The following DDX60L variants were observed in gnomAD, a reference collection of about 807,000 sequenced individuals.
The protein encoded by DDX60L is DExD/H-box 60 like.
DDX60L carries 191 observed loss-of-function variants against 211.6 expected under a neutral mutation model. That is an observed-to-expected ratio of 0.90 (90% confidence interval 0.80 to 1.02). DDX60L has a LOEUF of 1.02. Ranked by LOEUF, DDX60L falls within the 50% of genes least tolerant of loss-of-function variation. The pLI is 0.00. For synonymous variants in DDX60L, 706 were observed against 694.1 expected, an observed-to-expected ratio of 1.02 and a Z score of -0.27; for missense variants, 2,007 against 1,984.1, an observed-to-expected ratio of 1.01 and a Z score of -0.22.
At chr4:168,455,925 T>C (rs1250563946) in intron 7 of DDX60L, 114 bp downstream of exon 7, 3 of 679,080 alleles carry the variant, frequency 4.4e-6, no homozygotes, top group Non-Finnish European at 7.1e-6. Context: ...AAAATGGCGG[T>C]CAGAAACCAA....
intron 29 of DDX60L, 88 bp from the exon 30 acceptor site, chr4:168,384,900 C>T (rs980316019): frequency 2.2e-5 from 29 of 1,304,154 alleles, no homozygotes; most frequent in Middle Eastern, 1.9e-4. Flanking sequence ...ACTTGTTATC[C>T]GGGATTGTGT....
chr4:168,415,949 G>A lies in DDX60L; in HGVS notation c.2727-150C>T, dbSNP rs1749485162. On this transcript the variant is annotated intron_variant, in intron 20 of 37. Transcript: ENST00000682922. Reference sequence around the variant, plus strand: ...CACCTGAGTTGACTTCAGAGCTGTGGACTTTGGGCAAATTCCTCAGCTTCT... The same window carrying A: ...CACCTGAGTTGACTTCAGAGCTGTGAACTTTGGGCAAATTCCTCAGCTTCT... 4 of 627,538 alleles carry A rather than the reference G, an allele frequency of 6.4e-6. No homozygotes were observed. In the South Asian group the frequency reaches 1.3e-4, roughly 20 times the overall value. The allele number at this position is 627,538 out of a possible 1,614,324, so 38.9% of individuals were successfully genotyped here. A position where few individuals can be genotyped will look rare whatever the true frequency, so the allele number is the denominator to read the frequency against.
chr4:168,406,271 A>G lies in DDX60L; in HGVS notation c.3085-193T>C, dbSNP rs1327887456. On this transcript the variant is annotated intron_variant, in intron 23 of 37. Transcript: ENST00000682922. ...CTATGATGATGGGTGAACTCTTCAA[A>G]AGAAAGAATACAGGGCACAGCTGAT... 2.0e-5 allele frequency among the ~76,000 whole-genome samples: 3 copies of G among 152,180 alleles called. No homozygotes were observed. The East Asian group carries it at 5.8e-4, about 29-fold the overall frequency.
At chr4:168,447,922 A>G (rs1661537691) in intron 9 of DDX60L, among the ~76,000 whole-genome samples, 1 of 149,652 alleles carries the variant, frequency 6.7e-6, no homozygotes, top group African/African-American at 2.4e-5. Context: ...AGATATACCT[A>G]ATGCTAGATG....
At chr4:168,399,203 A>C (rs1275825273) in intron 26 of DDX60L, among the ~76,000 whole-genome samples, 1 of 151,958 alleles carries the variant, frequency 6.6e-6, no homozygotes, top group Non-Finnish European at 1.5e-5. Flanking sequence ...GCTGAAACAC[A>C]CCCCTTGCTT....
intron 19 of DDX60L, among the ~76,000 whole-genome samples, 182 bp downstream of exon 19, chr4:168,419,120 C>T (rs983251449): frequency 6.6e-6 from 1 of 152,186 alleles, no homozygotes; most frequent in African/African-American, 2.4e-5. Flanking sequence ...GTAAACAGCC[C>T]CTTAGTAAAA....
chr4:168,472,810 C>T lies in DDX60L; in HGVS notation c.-110-1G>A. 8.6e-7 allele frequency: 1 copy of T among 1,163,048 alleles called. No homozygotes were observed. Among genetic ancestry groups the T allele is most frequent in the South Asian group, 1.4e-5 (1 of 72,016 alleles). The allele number at this position is 1,163,048 out of a possible 1,614,324, so 72.0% of individuals were successfully genotyped here. A position where few individuals can be genotyped will look rare whatever the true frequency, so the allele number is the denominator to read the frequency against. Reference sequence around the variant, plus strand: ...GCTACATTTGATGTGAATGGCACCTCTGTAATAAAAGAAAAAATAGAACTG... The same window carrying T: ...GCTACATTTGATGTGAATGGCACCTTTGTAATAAAAGAAAAAATAGAACTG... On this transcript the variant is annotated splice_acceptor_variant, in intron 1 of 37. Coordinates refer to ENST00000682922, the MANE Select transcript of DDX60L (RefSeq NM_001012967.3). LOFTEE classifies it low-confidence loss of function (5UTR_SPLICE).
At chr4:168,446,641 C>A in intron 9 of DDX60L, among the ~76,000 whole-genome samples, 1 of 151,570 alleles carries the variant, frequency 6.6e-6, no homozygotes, top group Admixed American at 6.6e-5. Context: ...TACTACAAGG[C>A]TACAGGAACC....
At chr4:168,463,266 T>C (rs770034825) in intron 4 of DDX60L, among the ~76,000 whole-genome samples, 6 of 152,236 alleles carry the variant, frequency 3.9e-5, no homozygotes, top group South Asian at 4.1e-4. Flanking sequence ...AAAGAAAATG[T>C]GGTACATATA....
intron 16 of DDX60L, 103 bp downstream of exon 16, chr4:168,422,421 A>G: frequency 9.0e-7 from 1 of 1,110,030 alleles, no homozygotes; most frequent in Non-Finnish European, 1.3e-6. Context: ...AAAGACATTA[A>G]ACAAGATTAA....
At position 168,430,658 on chromosome 4, in the gene DDX60L, A is replaced by C; in HGVS notation, c.1517-20T>G. 1.3e-6 allele frequency: 2 copies of C among 1,490,774 alleles called. No homozygotes were observed. Among genetic ancestry groups the C allele is most frequent in the Non-Finnish European group, 1.8e-6 (2 of 1,116,138 alleles). The allele number at this position is 1,490,774 out of a possible 1,614,324, so 92.3% of individuals were successfully genotyped here. On this transcript the variant is annotated intron_variant, in intron 12 of 37. Coordinates refer to ENST00000682922, the MANE Select transcript of DDX60L (RefSeq NM_001012967.3). ...ATTGTTCTGAAATAGAAAGACTTAA[A>C]ATGTAAACATGTATTTTAAAATATT...
intron 22 of DDX60L, among the ~76,000 whole-genome samples, chr4:168,415,180 G>T (rs1375824153): frequency 1.3e-5 from 2 of 151,706 alleles, no homozygotes; most frequent in African/African-American, 4.8e-5. Context: ...TTGCATGTCT[G>T]TATCAAAATA....
Position 168,390,711 on chromosome 4 carries a change from G to A in DDX60L, c.3915+829C>T, listed in dbSNP as rs189406611. Among the ~76,000 whole-genome samples, 3 of 151,764 alleles carry A rather than the reference G, an allele frequency of 2.0e-5. No individual in the cohort carries two copies. In the East Asian group the frequency reaches 5.8e-4, roughly 29 times the overall value. ...TGACTTACAATATATATCACATATA[G>A]GATGTCATATAAGGAAATGAGAAGA... On this transcript the variant is annotated intron_variant, in intron 29 of 37. Coordinates refer to ENST00000682922, the MANE Select transcript of DDX60L (RefSeq NM_001012967.3).
At chr4:168,369,217 G>A (rs1022169584) in intron 36 of DDX60L, among the ~76,000 whole-genome samples, 8 of 152,154 alleles carry the variant, frequency 5.3e-5, no homozygotes, top group Non-Finnish European at 5.9e-5. Context: ...CGAGGTGACT[G>A]AATTATGGGG....
chr4:168,376,672 C>T (rs546825326), intron 33 of DDX60L, among the ~76,000 whole-genome samples: 2 of 152,330 alleles, frequency 1.3e-5, no homozygotes, highest in South Asian at 2.1e-4. Flanking sequence ...TACTGCTATG[C>T]CTTCCATGTC....
chr4:168,451,555 C>T (rs1202575157), intron 8 of DDX60L, among the ~76,000 whole-genome samples: 4 of 152,208 alleles, frequency 2.6e-5, no homozygotes, highest in African/African-American at 9.7e-5. Flanking sequence ...TTGCCACCAA[C>T]ATCTTAGCCA....
chr4:168,432,242 T>TATATA (rs1554011263), intron 12 of DDX60L, among the ~76,000 whole-genome samples: 1 of 147,880 alleles, frequency 6.8e-6, no homozygotes, highest in African/African-American at 2.5e-5. Context: ...TATATATATA[T>TATATA]TGTGTGTGTG....
intron 31 of DDX60L, 79 bp downstream of exon 31, chr4:168,379,647 A>G: frequency 7.8e-7 from 1 of 1,290,100 alleles, no homozygotes; most frequent in Non-Finnish European, 1.1e-6. Context: ...CAGATTATAG[A>G]AATTTCAGTT....
At chr4:168,441,062 A>C (rs1432934115) in intron 10 of DDX60L, among the ~76,000 whole-genome samples, 1 of 152,070 alleles carries the variant, frequency 6.6e-6, no homozygotes, top group African/African-American at 2.4e-5. Context: ...GGCCCGAGGA[A>C]CTTTCTCTTG....
Sources: gnomAD v4.1 joint callset for allele counts (sites outside exome capture counted in the v4.1 genomes callset) on GRCh38, gnomAD v4.1.1 for gene constraint, MANE v1.5 for transcripts, NCBI Gene and HGNC (gene_info 2026-07-23, HGNC 2026-07-21) for gene names.